Variants in MDN1 observed in about 807,000 individuals in gnomAD.
MDN1 encodes the protein midasin.
MDN1 carries 266 observed loss-of-function variants against 669.2 expected under a neutral mutation model. That is an observed-to-expected ratio of 0.40 (90% CI 0.36 to 0.44). The LOEUF (loss-of-function observed/expected upper bound fraction) is 0.44, where lower values mean the gene tolerates loss of function less well. MDN1 is among the 20% of genes least tolerant of loss of function. The pLI is 1.00. For synonymous variants in MDN1, 2,385 were observed against 2,457.1 expected (o/e 0.97, Z 0.87); for missense variants, 5,940 against 6,754.0 (o/e 0.88, Z 4.22).
chr6:89,747,890 CAAAA>C (rs55885838), intron 26 of MDN1, among the ~76,000 whole-genome samples: 3 of 84,034 alleles, frequency 3.6e-5, no homozygotes. Flanking sequence ...GACTCCGTCT[CAAAA>C]AAAAAAAAAA....
intron 7 of MDN1, among the ~76,000 whole-genome samples, chr6:89,788,914 A>G (rs1819110385): frequency 6.6e-6 from 1 of 152,170 alleles, no homozygotes; most frequent in Non-Finnish European, 1.5e-5. Flanking sequence ...TCACGAGGTC[A>G]GGAGTTCGTG....
intron 69 of MDN1, among the ~76,000 whole-genome samples, chr6:89,686,498 C>T (rs1479842086): frequency 1.3e-5 from 2 of 152,096 alleles, no homozygotes; most frequent in Non-Finnish European, 2.9e-5. Context: ...GTTAAATGCA[C>T]TCACAGCAAA....
At chr6:89,662,413 A>T (rs935350879) in intron 86 of MDN1, among the ~76,000 whole-genome samples, 174 bp from the exon 87 acceptor site, 6 of 152,172 alleles carry the variant, frequency 3.9e-5, no homozygotes, top group African/African-American at 1.4e-4. Context: ...GACAGCAGCA[A>T]TATTATTAAG....
intron 59 of MDN1, 21 bp from the exon 60 acceptor site, chr6:89,696,595 C>CA (rs767041218): frequency 6.3e-7 from 1 of 1,579,024 alleles, no homozygotes; most frequent in African/African-American, 1.4e-5. Flanking sequence ...AGAGAAGAGT[C>CA]AATAACTTTT....
At chr6:89,710,182 G>T (rs1274287817) in intron 50 of MDN1, among the ~76,000 whole-genome samples, 1 of 152,162 alleles carries the variant, frequency 6.6e-6, no homozygotes, top group Admixed American at 6.5e-5. Context: ...AAAGCTAAGG[G>T]TGGAAGGCAC....
At chr6:89,755,629 C>A (rs1817206208) in intron 20 of MDN1, among the ~76,000 whole-genome samples, 1 of 152,026 alleles carries the variant, frequency 6.6e-6, no homozygotes, top group Non-Finnish European at 1.5e-5. Context: ...ATTAATATCA[C>A]CCTATTTCAA....
intron 33 of MDN1, 115 bp from the exon 34 acceptor site, chr6:89,732,890 GT>G (rs1191925803): frequency 1.1e-5 from 9 of 811,226 alleles, no homozygotes; most frequent in Non-Finnish European, 1.7e-5. Context: ...TCTAAGCAAA[GT>G]TCTGTGAATG....
chr6:89,771,922 G>C (rs1441259567), intron 14 of MDN1, among the ~76,000 whole-genome samples: 1 of 152,036 alleles, frequency 6.6e-6, no homozygotes, highest in African/African-American at 2.4e-5. Flanking sequence ...TGCCAGGCTG[G>C]TCTTGAACTC....
rs761525361 is a variant in MDN1 at position 89,695,923 on chromosome 6, T to C, written c.9453A>G (p.Pro3151=). ...RHLAGLAELL[P]ESRRQEYMQN... is the part of the protein sequence containing the mutation. ...GCATGTACTCCTGCCGCCGGGACTC[T>C]GGGAGCAGCTCTGCTAGGCCTGCCA... is the stretch of plus-strand genomic sequence containing the variant. The change falls in exon 61 of 102, where the codon CCA becomes CCG. Residue 3151 remains proline, a synonymous_variant. Coordinates refer to ENST00000369393, the MANE Select transcript of MDN1 (RefSeq NM_014611.3). This position sits in a 1 kb window ranked among gnomAD's most constrained non-coding sequence, Gnocchi z 4.1. 2 of 1,612,772 alleles carry C rather than the reference T, an allele frequency of 1.2e-6. No individual in the cohort carries two copies. Among genetic ancestry groups the C allele is most frequent in the East Asian group, 4.5e-5 (2 of 44,878 alleles).
chr6:89,801,844 C>T (rs1767687514), intron 2 of MDN1, among the ~76,000 whole-genome samples: 1 of 150,930 alleles, frequency 6.6e-6, no homozygotes, highest in South Asian at 2.1e-4. Flanking sequence ...CATCTGTAGT[C>T]CCAGCTACTC....
Position 89,692,576 on chromosome 6 carries a change from T to C in MDN1, c.10454A>G (p.Glu3485Gly), listed in dbSNP as rs1812443281. 1 of 1,614,226 alleles carries C rather than the reference T, an allele frequency of 6.2e-7. No homozygotes were observed. Among genetic ancestry groups the C allele is most frequent in the Non-Finnish European group, 8.5e-7 (1 of 1,180,026 alleles). Residue 3485 changes from glutamate to glycine, a missense_variant, in exon 63 of 102, where the codon GAA becomes GGA. Transcript: ENST00000369393. The part of the protein sequence containing the change: ...ILKRSGGKEL[E>G]GKGQKACPTR... ...GGGACAGGCTTTCTGGCCCTTGCCT[T>C]CCAGCTCCTTTCCTCCTGAGCGCTT...
Position 89,781,485 on chromosome 6 carries a change from A to G in MDN1, c.1557T>C (p.Val519=). The change falls in exon 10 of 102, where the codon GTT becomes GTC. Residue 519 remains valine (V), a synonymous_variant. Transcript: ENST00000369393. ...CTTCTTCAGGTGCCTGTTCACATCC[A>G]ACAGAACTATCACTCCAAGAGTGAT... ...EKHHSWSDSS[V]GCEQAPEEVS... is the part of the protein sequence containing the mutation. 1.2e-6 allele frequency: 2 copies of G among 1,614,168 alleles called. No homozygotes were observed. Among genetic ancestry groups the G allele is most frequent in the African/African-American group, 2.7e-5 (2 of 75,054 alleles).
chr6:89,776,644 T>G lies in MDN1; in HGVS notation c.1777A>C (p.Met593Leu), dbSNP rs764499770. The G allele has an allele frequency of 4.8e-5, 77 of 1,613,406 alleles. No homozygotes were observed. Among genetic ancestry groups the G allele is most frequent in the Non-Finnish European group, 6.0e-5 (71 of 1,179,528 alleles). ...MLSEHTSKLK[M>L]AEVIGSKLNI... ...AATTTGCTTCCAATAACTTCTGCCA[T>G]TTTCAGTTTGCTTGTATGCTCAGAA... Residue 593 changes from methionine (M) to leucine (L), a missense_variant, in exon 12 of 102, where the codon ATG becomes CTG. Coordinates refer to ENST00000369393, the MANE Select transcript of MDN1 (RefSeq NM_014611.3).
At chr6:89,725,557 G>A (rs1487635542) in intron 37 of MDN1, among the ~76,000 whole-genome samples, 161 bp from the exon 38 acceptor site, 2 of 151,936 alleles carry the variant, frequency 1.3e-5, no homozygotes, top group Non-Finnish European at 2.9e-5. Flanking sequence ...GTTATGGTTG[G>A]TTTGTCTTCA....
chr6:89,735,825 T>A (rs71556338), intron 33 of MDN1, among the ~76,000 whole-genome samples: 1 of 152,158 alleles, frequency 6.6e-6, no homozygotes, highest in Middle Eastern at 3.4e-3. Context: ...ATCGAGACCA[T>A]CCTTGCCAAC....
intron 36 of MDN1, 32 bp downstream of exon 36, chr6:89,728,899 A>AT (rs1226186574): frequency 6.4e-7 from 1 of 1,568,988 alleles, no homozygotes; most frequent in Non-Finnish European, 8.8e-7. Flanking sequence ...ATCTATAGCT[A>AT]TCTCCATCAG....
chr6:89,763,848 T>C (rs1817676656), intron 15 of MDN1, among the ~76,000 whole-genome samples: 1 of 152,132 alleles, frequency 6.6e-6, no homozygotes, highest in South Asian at 2.1e-4. Flanking sequence ...AAGAGGAACA[T>C]CAAACTCACT....
intron 33 of MDN1, among the ~76,000 whole-genome samples, chr6:89,734,563 G>A (rs1462805996): frequency 6.6e-6 from 1 of 151,632 alleles, no homozygotes; most frequent in African/African-American, 2.4e-5. Flanking sequence ...GGGAGGGTGA[G>A]GTGGGAGAAT....
intron 1 of MDN1, among the ~76,000 whole-genome samples, chr6:89,817,627 T>C (rs1420394211): frequency 6.6e-6 from 1 of 152,096 alleles, no homozygotes; most frequent in Non-Finnish European, 1.5e-5. Flanking sequence ...GCAAAGTCAA[T>C]GAGGCAAGTA....
Sources: gnomAD v4.1 joint callset for allele counts (sites outside exome capture counted in the v4.1 genomes callset) on GRCh38, gnomAD v4.1.1 for gene constraint, Gnocchi (gnomAD v3.1) non-coding constraint, MANE v1.5 for transcripts, NCBI Gene and HGNC (gene_info 2026-07-23, HGNC 2026-07-21) for gene names.